PCDHGA1: variants seen among roughly 807,000 people sequenced by gnomAD.
The protein encoded by PCDHGA1 is protocadherin gamma subfamily A, 1.
Under a neutral mutation model 58.0 loss-of-function variants are expected in PCDHGA1, and 32 were observed. The observed-to-expected ratio is 0.55, with a 90% CI of 0.42 to 0.74. PCDHGA1 has a LOEUF of 0.74. PCDHGA1 is among the 30% of genes least tolerant of loss of function. The probability of loss-of-function intolerance (pLI) is 0.00; values close to 1 mark genes in which losing one functional copy is unlikely to be tolerated. For synonymous variants in PCDHGA1, 498 were observed against 501.1 expected, an observed-to-expected ratio of 0.99 and a Z score of 0.08; for missense variants, 1,205 against 1,182.3, an observed-to-expected ratio of 1.02 and a Z score of -0.28.
intron 1 of PCDHGA1, chr5:141,361,964 A>G: frequency 3.7e-6 from 6 of 1,602,142 alleles, no homozygotes; most frequent in Non-Finnish European, 5.1e-6. Flanking sequence ...CACGTGCTGC[A>G]GGCCAGCGAG....
At chr5:141,455,860 A>ATTATTTAT (rs145569377) in intron 1 of PCDHGA1, among the ~76,000 whole-genome samples, 155 of 139,844 alleles carry the variant, frequency 1.1e-3, no homozygotes, top group Non-Finnish European at 1.5e-3. Flanking sequence ...AATTTCTTTT[A>ATTATTTAT]TTATTTATTT....
intron 1 of PCDHGA1, chr5:141,344,031 G>A: frequency 6.5e-7 from 1 of 1,542,766 alleles, no homozygotes; most frequent in South Asian, 1.3e-5. Flanking sequence ...CACCGAAAAG[G>A]AAATGACCAA....
chr5:141,421,265 T>G (rs2154549151), intron 1 of PCDHGA1: 1 of 1,596,914 alleles, frequency 6.3e-7, no homozygotes, highest in Non-Finnish European at 8.5e-7. Flanking sequence ...CGCAGTCGGC[T>G]GCTGCTGCTG....
intron 1 of PCDHGA1, chr5:141,471,300 C>T (rs2099254628): frequency 6.6e-6 from 1 of 152,190 alleles, no homozygotes; most frequent in African/African-American, 2.4e-5. Context: ...ATCCACCCAA[C>T]TCGGCCTCCC....
At position 141,408,728 on chromosome 5, in the gene PCDHGA1, C is replaced by T. The variant is rs371316574; in HGVS notation, c.2421+75623C>T. ...TAAAGATTATAAGATAAACTCTAAT[C>T]CTTATTTTTCATTAATGGTTAGAGT... On this transcript the variant is annotated intron_variant, in intron 1 of 3. Transcript: ENST00000517417. 6.2e-7 allele frequency: 1 copy of T among 1,610,292 alleles called. No homozygotes were observed. Among genetic ancestry groups the T allele is most frequent in the African/African-American group, 1.3e-5 (1 of 74,802 alleles).
chr5:141,394,661 C>T (rs1471316947), intron 1 of PCDHGA1: 1 of 1,613,378 alleles, frequency 6.2e-7, no homozygotes, highest in Non-Finnish European at 8.5e-7. Flanking sequence ...AGCCGGGACT[C>T]TTCTCGGTGG....
intron 1 of PCDHGA1, chr5:141,408,178 G>A (rs1425207794): frequency 1.3e-6 from 2 of 1,535,708 alleles, no homozygotes; most frequent in Non-Finnish European, 1.8e-6. Context: ...GAAAAGCGGG[G>A]ACCCAGCGAG....
intron 1 of PCDHGA1, chr5:141,422,227 A>G: frequency 6.4e-7 from 1 of 1,566,716 alleles, no homozygotes; most frequent in Non-Finnish European, 8.6e-7. Context: ...CACCACGACG[A>G]TGTTGATCAC....
intron 1 of PCDHGA1, chr5:141,339,191 C>G: frequency 1.2e-6 from 2 of 1,614,106 alleles, no homozygotes; most frequent in Non-Finnish European, 1.7e-6. Context: ...TAGGTCCCAG[C>G]TCTTTGCTCT....
intron 1 of PCDHGA1, among the ~76,000 whole-genome samples, chr5:141,467,397 TAGAA>T (rs1326936900): frequency 6.6e-6 from 1 of 152,106 alleles, no homozygotes; most frequent in Non-Finnish European, 1.5e-5. Flanking sequence ...AAGTCATAGT[TAGAA>T]AGCCTTTCCC....
chr5:141,423,330 C>T (rs932335651), intron 1 of PCDHGA1: 2 of 1,614,174 alleles, frequency 1.2e-6, no homozygotes, highest in Non-Finnish European at 1.7e-6. Flanking sequence ...TGGCCGCAGT[C>T]TCCTGCATCT....
Position 141,477,568 on chromosome 5 carries a change from C to T in PCDHGA1, c.2422-17239C>T, listed in dbSNP as rs2099413139. The T allele has an allele frequency of 6.2e-7, 1 of 1,614,172 alleles. No individual in the cohort carries two copies. The highest frequency in any genetic ancestry group is 1.7e-4 in the Middle Eastern group (1 of 6,060). On this transcript the variant is annotated intron_variant, in intron 1 of 3. Transcript: ENST00000517417. This position sits in a 1 kb window ranked among gnomAD's most constrained non-coding sequence, Gnocchi z 4.9. ...TACTAAACCTAAGTGTCTGGGACCC[C>T]GACGCCCCGCAGAATGCTCGGCTTT...
At chr5:141,499,698 T>C (rs1312388510) in intron 2 of PCDHGA1, among the ~76,000 whole-genome samples, 2 of 149,810 alleles carry the variant, frequency 1.3e-5, no homozygotes, top group African/African-American at 2.5e-5. Context: ...ACTTTTTTTT[T>C]TTTTTTTTTT....
At chr5:141,372,524 A>G (rs1768835682) in intron 1 of PCDHGA1, 2 of 1,613,968 alleles carry the variant, frequency 1.2e-6, no homozygotes, top group East Asian at 2.2e-5. Context: ...TGATTCTGGC[A>G]ATCTCCCTGC....
intron 1 of PCDHGA1, among the ~76,000 whole-genome samples, chr5:141,420,650 A>G (rs2096512866): frequency 6.6e-6 from 1 of 152,244 alleles, no homozygotes; most frequent in Non-Finnish European, 1.5e-5. Context: ...TGTAAGAATT[A>G]TAGTTAGGCA....
chr5:141,340,264 C>A (rs151082079), intron 1 of PCDHGA1: 103 of 1,614,074 alleles, frequency 6.4e-5, no homozygotes, highest in Non-Finnish European at 8.1e-5. Context: ...GGAACCCCTC[C>A]CTGTCCACGG....
chr5:141,364,578 G>C, intron 1 of PCDHGA1: 1 of 1,614,212 alleles, frequency 6.2e-7, no homozygotes, highest in Non-Finnish European at 8.5e-7. Flanking sequence ...CGAAGCGGCA[G>C]CTTGGTCACC....
chr5:141,346,312 C>T, intron 1 of PCDHGA1: 1 of 1,614,242 alleles, frequency 6.2e-7, no homozygotes, highest in Admixed American at 1.7e-5. Context: ...GTCTCCCTCA[C>T]TGCGGACTCG....
chr5:141,508,077 G>T (rs1166570509), intron 3 of PCDHGA1: 1 of 152,446 alleles, frequency 6.6e-6, no homozygotes, highest in Non-Finnish European at 1.5e-5. Context: ...GGCTACTCTG[G>T]AGTTGCTGCC....
Sources: gnomAD v4.1 joint callset for allele counts (sites outside exome capture counted in the v4.1 genomes callset) on GRCh38, gnomAD v4.1.1 for gene constraint, Gnocchi (gnomAD v3.1) non-coding constraint, MANE v1.5 for transcripts, NCBI Gene and HGNC (gene_info 2026-07-23, HGNC 2026-07-21) for gene names.